INO80D: variants seen among roughly 807,000 people sequenced by gnomAD.
The protein encoded by INO80D is INO80 complex subunit D.
INO80D carries 21 observed loss-of-function variants against 87.6 expected under a neutral mutation model. The ratio of observed to expected loss-of-function variants is 0.24; its 90% CI spans 0.17 to 0.35. The LOEUF (loss-of-function observed/expected upper bound fraction) is 0.35, where lower values mean the gene tolerates loss of function less well. INO80D is among the 10% of genes least tolerant of loss of function. The pLI, the probability that INO80D is intolerant of heterozygous loss-of-function variation, is 1.00. For missense variants in INO80D, 982 were observed against 1,280.7 expected (o/e 0.77, Z 3.56); for synonymous variants, 440 against 491.0 (o/e 0.90, Z 1.37).
At chr2:206,029,197 G>T (rs1192416289) in intron 5 of INO80D, among the ~76,000 whole-genome samples, 1 of 152,032 alleles carries the variant, frequency 6.6e-6, no homozygotes, top group African/African-American at 2.4e-5. Flanking sequence ...CTTCTACCAT[G>T]TATTTTTTTA....
chr2:206,009,815 C>T, intron 8 of INO80D, 21 bp from the exon 9 acceptor site: 5 of 1,568,772 alleles, frequency 3.2e-6, no homozygotes, highest in Non-Finnish European at 4.3e-6. Flanking sequence ...AATAAATAGG[C>T]TTTTAAATTG....
chr2:206,058,345 G>A (rs964204205), intron 3 of INO80D, among the ~76,000 whole-genome samples: 8 of 151,196 alleles, frequency 5.3e-5, no homozygotes, highest in East Asian at 1.9e-4. Context: ...CGCGAACCCC[G>A]GAGGCAGAGC....
chr2:206,024,042 A>C (rs1051136513), intron 6 of INO80D, among the ~76,000 whole-genome samples: 1 of 152,220 alleles, frequency 6.6e-6, no homozygotes, highest in Non-Finnish European at 1.5e-5. Context: ...CTCAGCATAT[A>C]CATTTACATA....
intron 6 of INO80D, among the ~76,000 whole-genome samples, chr2:206,021,202 G>A (rs1375488655): frequency 6.6e-6 from 1 of 152,132 alleles, no homozygotes; most frequent in Non-Finnish European, 1.5e-5. Flanking sequence ...TTTGTTTCTA[G>A]TATCTTTCTC....
chr2:206,063,028 A>T lies in INO80D; in HGVS notation c.-12T>A. 1 of 1,584,906 alleles carries T rather than the reference A, an allele frequency of 6.3e-7. No individual in the cohort carries two copies. Among genetic ancestry groups the T allele is most frequent in the Non-Finnish European group, 8.6e-7 (1 of 1,156,816 alleles). ...TTCCCTTCATACATCACGTGACTCT[A>T]TTCCTTGTGAACATCAGCTAAAAGG... On this transcript the variant is annotated 5_prime_UTR_variant, in exon 3 of 11. Transcript: ENST00000403263.
In INO80D at chr2:206,062,233, A is replaced by T. The variant is rs1247919165; in HGVS notation, c.218+566T>A. Among the ~76,000 whole-genome samples, 2 of 152,258 alleles carry T rather than the reference A, an allele frequency of 1.3e-5. No individual in the cohort carries two copies. The highest frequency in any genetic ancestry group is 1.3e-4 in the Admixed American group (2 of 15,288). On this transcript the variant is annotated intron_variant, in intron 3 of 10. Coordinates refer to ENST00000403263, the MANE Select transcript of INO80D (RefSeq NM_017759.5). The surrounding 1 kb of genome is among the most constrained non-coding windows in gnomAD (Gnocchi z 4.6). ...AAAAGGTAAGGTTATAAAACATGCCAAACACTGGTGAGAAGTCTGATAGGA... is the reference window on the plus strand; with the variant it reads ...AAAAGGTAAGGTTATAAAACATGCCTAACACTGGTGAGAAGTCTGATAGGA...
At chr2:206,016,906 T>G (rs1007378478) in intron 8 of INO80D, among the ~76,000 whole-genome samples, 2 of 152,202 alleles carry the variant, frequency 1.3e-5, no homozygotes, top group African/African-American at 4.8e-5. Context: ...CCCAGCCACA[T>G]AGAACTGTGA....
At chr2:206,068,288 C>T (rs1485588192) in intron 1 of INO80D, among the ~76,000 whole-genome samples, 1 of 152,004 alleles carries the variant, frequency 6.6e-6, no homozygotes, top group East Asian at 1.9e-4. Flanking sequence ...TTTGTAGAGA[C>T]TGGGTCTTGC....
intron 5 of INO80D, among the ~76,000 whole-genome samples, chr2:206,036,233 C>T (rs1688889842): frequency 6.6e-6 from 1 of 152,172 alleles, no homozygotes; most frequent in Admixed American, 6.5e-5. Flanking sequence ...AGCAATCCCA[C>T]TACCGGGTAC....
chr2:206,045,478 T>C (rs1689169990), intron 5 of INO80D, among the ~76,000 whole-genome samples: 1 of 152,212 alleles, frequency 6.6e-6, no homozygotes, highest in Non-Finnish European at 1.5e-5. Flanking sequence ...CAAGGATCTA[T>C]CTTGGTATTG....
intron 4 of INO80D, 137 bp downstream of exon 4, chr2:206,056,061 A>T (rs757316918): frequency 6.6e-5 from 53 of 808,772 alleles, no homozygotes; most frequent in Non-Finnish European, 9.1e-5. Flanking sequence ...TAAATACAGA[A>T]TCTTTCACTG....
Position 206,004,240 on chromosome 2 carries a change from G to C in INO80D, c.*128C>G, listed in dbSNP as rs1481750820. On this transcript the variant is annotated 3_prime_UTR_variant, in exon 11 of 11. Coordinates refer to ENST00000403263, the MANE Select transcript of INO80D (RefSeq NM_017759.5). This position sits in a 1 kb window ranked among gnomAD's most constrained non-coding sequence, Gnocchi z 4.9. ...CACTGCAGGGCCACTCATTGAACTGGGAAGGGGGGTGCCCCTCTGATCCCC... is the reference window on the plus strand; with the variant it reads ...CACTGCAGGGCCACTCATTGAACTGCGAAGGGGGGTGCCCCTCTGATCCCC... 6 of 849,628 alleles carry C rather than the reference G, an allele frequency of 7.1e-6. No individual in the cohort carries two copies. The African/African-American group carries it at 1.0e-4, about 14-fold the overall frequency. 52.6% of individuals were successfully genotyped at this position (849,628 alleles called of 1,614,324 possible).
chr2:206,039,807 C>T (rs1688993001), intron 5 of INO80D, among the ~76,000 whole-genome samples: 2 of 72,572 alleles, frequency 2.8e-5, no homozygotes, highest in Admixed American at 2.0e-4. Flanking sequence ...GAGCCTCTGT[C>T]TCCAAAAAAA....
chr2:206,009,596 C>G lies in INO80D; in HGVS notation c.1741G>C (p.Val581Leu). The G allele has an allele frequency of 1.2e-6, 2 of 1,613,376 alleles. No individual in the cohort carries two copies. The highest frequency in any genetic ancestry group is 1.7e-6 in the Non-Finnish European group (2 of 1,179,708). The change falls in exon 9 of 11, where the codon GTG (valine) becomes CTG (leucine). Residue 581 changes from valine to leucine, a missense_variant. Val to Leu is a conservative substitution (Grantham distance 32). Transcript: ENST00000403263. ...LSMPASVSLP[V>L]EASHIRSPST... ...ACTGACCGGATGTGAGAGGCCTCCACTGGCAGTGAGACGCTGGCGGGCATG... is the reference window on the plus strand; with the variant it reads ...ACTGACCGGATGTGAGAGGCCTCCAGTGGCAGTGAGACGCTGGCGGGCATG...
chr2:206,079,597 C>A (rs1198731471), intron 1 of INO80D, among the ~76,000 whole-genome samples: 1 of 152,176 alleles, frequency 6.6e-6, no homozygotes, highest in East Asian at 1.9e-4. Flanking sequence ...CCATTGCCAC[C>A]ACCTTAGTTC....
At chr2:206,075,361 C>G (rs933299658) in intron 1 of INO80D, among the ~76,000 whole-genome samples, 8 of 152,104 alleles carry the variant, frequency 5.3e-5, no homozygotes, top group Non-Finnish European at 1.0e-4. Context: ...CACTGCCACA[C>G]CATTTTTCTC....
intron 6 of INO80D, 30 bp from the exon 7 acceptor site, chr2:206,019,875 T>G: frequency 1.3e-6 from 2 of 1,558,876 alleles, no homozygotes; most frequent in South Asian, 2.3e-5. Context: ...GAATTAATTT[T>G]TTTTTAATGC....
At chr2:206,029,645 A>G (rs1688708970) in intron 5 of INO80D, among the ~76,000 whole-genome samples, 1 of 152,342 alleles carries the variant, frequency 6.6e-6, no homozygotes, top group East Asian at 1.9e-4. Context: ...ACTTCTACTT[A>G]GTACCTCTCC....
At chr2:206,030,594 CA>C (rs1319777951) in intron 5 of INO80D, among the ~76,000 whole-genome samples, 1 of 152,012 alleles carries the variant, frequency 6.6e-6, no homozygotes, top group Non-Finnish European at 1.5e-5. Context: ...CAGAGATAGA[CA>C]GGATGGTGAA....
Sources: gnomAD v4.1 joint callset for allele counts (sites outside exome capture counted in the v4.1 genomes callset) on GRCh38, gnomAD v4.1.1 for gene constraint, Gnocchi (gnomAD v3.1) non-coding constraint, MANE v1.5 for transcripts, NCBI Gene and HGNC (gene_info 2026-07-23, HGNC 2026-07-21) for gene names.